Variants in ADAMTSL1 observed in about 807,000 individuals in gnomAD.
ADAMTSL1 encodes the protein ADAMTS-like protein 1.
ADAMTSL1 carries 126 observed loss-of-function variants against 201.8 expected under a neutral mutation model. That is an observed-to-expected ratio of 0.62 (90% CI 0.54 to 0.72). The LOEUF (loss-of-function observed/expected upper bound fraction) is 0.72. ADAMTSL1 is among the 30% of genes least tolerant of loss of function. The pLI, the probability that ADAMTSL1 is intolerant of heterozygous loss-of-function variation, is 0.00. For synonymous variants in ADAMTSL1, 1,121 were observed against 903.4 expected, an observed-to-expected ratio of 1.24 and a Z score of -4.32; for missense variants, 2,679 against 2,277.8, an observed-to-expected ratio of 1.18 and a Z score of -3.59.
chr9:18,622,401 C>T, intron 5 of ADAMTSL1, 32 bp downstream of exon 5: 1 of 1,613,844 alleles, frequency 6.2e-7, no homozygotes, highest in South Asian at 1.1e-5. Context: ...GACCTTTGGA[C>T]TTGTTGACTT....
At chr9:18,710,360 T>C (rs1330339045) in intron 14 of ADAMTSL1, among the ~76,000 whole-genome samples, 1 of 152,178 alleles carries the variant, frequency 6.6e-6, no homozygotes, top group African/African-American at 2.4e-5. Context: ...CCCACCACAC[T>C]GGGCTCCACC....
intron 17 of ADAMTSL1, among the ~76,000 whole-genome samples, chr9:18,772,303 A>T (rs964929804): frequency 1.3e-5 from 2 of 152,220 alleles, no homozygotes; most frequent in African/African-American, 4.8e-5. Flanking sequence ...TGTGTGTGTT[A>T]TAATTGTCTT....
intron 1 of ADAMTSL1, among the ~76,000 whole-genome samples, chr9:18,011,618 C>G (rs1260143044): frequency 6.6e-6 from 1 of 152,022 alleles, no homozygotes; most frequent in African/African-American, 2.4e-5. Flanking sequence ...GTCCAGGACC[C>G]AGCCGTAGCT....
At chr9:18,825,443 C>T (rs968344490) in intron 21 of ADAMTSL1, among the ~76,000 whole-genome samples, 3 of 152,180 alleles carry the variant, frequency 2.0e-5, no homozygotes, top group South Asian at 2.1e-4. Context: ...ATTTCATGTT[C>T]TCTTGCTCTG....
chr9:18,275,846 C>T (rs1489637733), intron 2 of ADAMTSL1, among the ~76,000 whole-genome samples: 1 of 151,956 alleles, frequency 6.6e-6, no homozygotes, highest in Non-Finnish European at 1.5e-5. Flanking sequence ...TTTATGTAGG[C>T]GTGTTTCTAC....
chr9:18,076,195 C>T (rs994084811), intron 1 of ADAMTSL1, among the ~76,000 whole-genome samples: 6 of 152,152 alleles, frequency 3.9e-5, no homozygotes, highest in African/African-American at 1.4e-4. Context: ...GTATGGATAG[C>T]TAAGCCCTAA....
At chr9:18,624,064 A>G (rs966768922) in intron 5 of ADAMTSL1, among the ~76,000 whole-genome samples, 3 of 152,338 alleles carry the variant, frequency 2.0e-5, no homozygotes, top group Admixed American at 2.0e-4. Flanking sequence ...CGAGGTAAAA[A>G]GAGGAGGCAG....
At chr9:18,062,699 T>C (rs1049277219) in intron 1 of ADAMTSL1, among the ~76,000 whole-genome samples, 3 of 152,170 alleles carry the variant, frequency 2.0e-5, no homozygotes, top group East Asian at 1.9e-4. Flanking sequence ...AAGTGCATAA[T>C]TGAATAATTA....
chr9:18,104,777 G>A (rs1310158499), intron 1 of ADAMTSL1, among the ~76,000 whole-genome samples: 1 of 152,138 alleles, frequency 6.6e-6, no homozygotes, highest in African/African-American at 2.4e-5. Flanking sequence ...GAGCTGAAAT[G>A]TAATCAGTTA....
chr9:17,944,066 C>T (rs371286433), intron 1 of ADAMTSL1, among the ~76,000 whole-genome samples: 79 of 151,474 alleles, frequency 5.2e-4, no homozygotes, highest in African/African-American at 1.7e-3. Flanking sequence ...CCCACCGAGC[C>T]CCACCTCCAG....
chr9:17,947,133 G>C (rs1376244690), intron 1 of ADAMTSL1, among the ~76,000 whole-genome samples: 1 of 150,996 alleles, frequency 6.6e-6, no homozygotes, highest in Non-Finnish European at 1.5e-5. Context: ...AAACTATATA[G>C]CTATATATAT....
At chr9:18,845,086 C>G (rs1190893185) in intron 23 of ADAMTSL1, among the ~76,000 whole-genome samples, 1 of 152,212 alleles carries the variant, frequency 6.6e-6, no homozygotes, top group Non-Finnish European at 1.5e-5. Context: ...GTGAGATGAA[C>G]CCGGTACCTC....
At chr9:18,130,598 TAGC>T (rs1343208278) in intron 1 of ADAMTSL1, among the ~76,000 whole-genome samples, 1 of 152,146 alleles carries the variant, frequency 6.6e-6, no homozygotes, top group Non-Finnish European at 1.5e-5. Flanking sequence ...AGAGAGAAGC[TAGC>T]AGGTTTTTAA....
chr9:18,137,171 G>T (rs1320040916), intron 1 of ADAMTSL1, among the ~76,000 whole-genome samples: 3 of 152,118 alleles, frequency 2.0e-5, no homozygotes, highest in Non-Finnish European at 2.9e-5. Flanking sequence ...GTTTCTGAGG[G>T]AAAATCTGTT....
chr9:18,746,042 A>G (rs1485026649), intron 15 of ADAMTSL1, among the ~76,000 whole-genome samples: 1 of 152,204 alleles, frequency 6.6e-6, no homozygotes, highest in African/African-American at 2.4e-5. Flanking sequence ...CCAGACATGC[A>G]GTGCCCCGTT....
intron 25 of ADAMTSL1, among the ~76,000 whole-genome samples, chr9:18,891,121 A>C (rs2131554664): frequency 7.7e-6 from 1 of 129,622 alleles, no homozygotes; most frequent in South Asian, 2.2e-4. Flanking sequence ...ATTTAGGAGG[A>C]ATTTGCTCCC....
chr9:18,818,413 A>G (rs1406810280), intron 21 of ADAMTSL1, among the ~76,000 whole-genome samples: 2 of 152,212 alleles, frequency 1.3e-5, no homozygotes, highest in African/African-American at 4.8e-5. Context: ...TAGAGTAAGT[A>G]GGAGGAATAT....
chr9:18,314,352 T>C (rs1181740440), intron 2 of ADAMTSL1, among the ~76,000 whole-genome samples: 3 of 152,154 alleles, frequency 2.0e-5, no homozygotes, highest in Admixed American at 2.0e-4. Flanking sequence ...ACTTCAAGAA[T>C]GAAGCTGTGG....
intron 2 of ADAMTSL1, among the ~76,000 whole-genome samples, chr9:18,525,953 A>T (rs369727906): frequency 6.6e-6 from 1 of 152,226 alleles, no homozygotes; most frequent in East Asian, 1.9e-4. Flanking sequence ...GTAGATGTCT[A>T]TTAGATCCAC....
Sources: allele counts gnomAD v4.1 joint callset (sites outside exome capture counted in the v4.1 genomes callset), GRCh38; gene constraint gnomAD v4.1.1; transcripts MANE v1.5; gene names NCBI Gene and HGNC (gene_info 2026-07-23, HGNC 2026-07-21).